The following ERC2 variants were observed in gnomAD, a reference collection of about 807,000 sequenced individuals.
The protein encoded by ERC2 is ERC protein 2.
Under a neutral mutation model 114.8 loss-of-function variants are expected in ERC2, and 42 were observed. The observed-to-expected ratio is 0.37, with a 90% CI of 0.29 to 0.47. ERC2 has a LOEUF of 0.47. ERC2 is among the 20% of genes least tolerant of loss of function. ERC2 has a pLI of 0.99. For synonymous variants in ERC2, 454 were observed against 425.5 expected (o/e 1.07, Z -0.82); for missense variants, 939 against 1,150.7 (o/e 0.82, Z 2.66).
intron 1 of ERC2, among the ~76,000 whole-genome samples, chr3:56,440,119 G>A (rs2062218980): frequency 6.6e-6 from 1 of 152,090 alleles, no homozygotes. Flanking sequence ...AGAAAATTTA[G>A]AAAATACAAA....
intron 6 of ERC2, among the ~76,000 whole-genome samples, chr3:56,093,759 A>C (rs17235263): frequency 0.13 from 20,119 of 152,236 alleles, 1,433 homozygotes; most frequent in East Asian, 0.15. Flanking sequence ...TAATTAAGTA[A>C]AGTAGTAATT....
chr3:56,122,444 T>G (rs1276171030), intron 6 of ERC2, among the ~76,000 whole-genome samples: 2 of 152,178 alleles, frequency 1.3e-5, no homozygotes, highest in Non-Finnish European at 2.9e-5. Flanking sequence ...GGTTTAAAAT[T>G]TTTTGTTTTA....
In ERC2 at chr3:56,400,986, T is replaced by C. The variant is rs186037375; in HGVS notation, c.657+33365A>G. On this transcript the variant is annotated intron_variant, in intron 2 of 17. Coordinates refer to ENST00000288221, the MANE Select transcript of ERC2 (RefSeq NM_015576.3). ...AAGCTACTTTATTCTTGTAACACCC[T>C]CTCTGGTTTGTTTTTTCCCACTAGC... 3.3e-5 allele frequency among the ~76,000 whole-genome samples: 5 copies of C among 152,314 alleles called. No individual in the cohort carries two copies. In the East Asian group the frequency reaches 9.6e-4, roughly 29 times the overall value.
At chr3:55,515,352 C>G (rs1029502495) in intron 17 of ERC2, among the ~76,000 whole-genome samples, 1 of 151,476 alleles carries the variant, frequency 6.6e-6, no homozygotes, top group African/African-American at 2.4e-5. Flanking sequence ...TAAACTTTTC[C>G]CCTGTATTTA....
intron 11 of ERC2, among the ~76,000 whole-genome samples, chr3:55,987,082 T>C (rs4974158): frequency 0.94 from 143,314 of 152,288 alleles, 67,680 homozygotes; most frequent in East Asian, 1. Context: ...ACAGTGTTGA[T>C]TACAATGATA....
chr3:56,316,285 T>C (rs983545554), intron 2 of ERC2, among the ~76,000 whole-genome samples: 5 of 152,216 alleles, frequency 3.3e-5, no homozygotes, highest in Admixed American at 3.3e-4. Flanking sequence ...GTGGAAAGAA[T>C]TGCAGGCTTT....
intron 17 of ERC2, among the ~76,000 whole-genome samples, chr3:55,587,907 T>A (rs1383807094): frequency 6.6e-6 from 1 of 152,072 alleles, no homozygotes; most frequent in Non-Finnish European, 1.5e-5. Context: ...TTACACAGGG[T>A]CAACCTGACA....
At chr3:56,323,207 G>A (rs2150428202) in intron 2 of ERC2, among the ~76,000 whole-genome samples, 1 of 152,238 alleles carries the variant, frequency 6.6e-6, no homozygotes, top group African/African-American at 2.4e-5. Flanking sequence ...AACACTAAAA[G>A]GAGTAAGAAA....
intron 14 of ERC2, among the ~76,000 whole-genome samples, chr3:55,783,232 T>C (rs964099268): frequency 2.0e-5 from 3 of 152,210 alleles, no homozygotes; most frequent in African/African-American, 7.2e-5. Flanking sequence ...CTAAGGTGCA[T>C]GGGCTCGGCA....
At position 56,041,355 on chromosome 3, in the gene ERC2, C is replaced by T. The variant is rs759456587; in HGVS notation, c.1642-22324G>A. On this transcript the variant is annotated intron_variant, in intron 7 of 17. Coordinates refer to ENST00000288221, the MANE Select transcript of ERC2 (RefSeq NM_015576.3). ...GCTAGGGGCAGAGAGGCTCTACCAG[C>T]AGTTTGGGGCTGGTGATAGATTGAG... Among the ~76,000 whole-genome samples, 51 of 152,076 alleles carry T rather than the reference C, an allele frequency of 3.4e-4. 1 individual carries two copies. The highest frequency in any genetic ancestry group is 4.4e-5 in the Non-Finnish European group (3 of 68,030).
At chr3:55,943,901 G>C (rs75405598) in intron 13 of ERC2, among the ~76,000 whole-genome samples, 4,987 of 152,134 alleles carry the variant, frequency 0.033, 158 homozygotes, top group African/African-American at 0.081. Context: ...TCTCTCTCTA[G>C]AACTGAGCAT....
chr3:56,060,814 C>G (rs1182858461), intron 7 of ERC2, among the ~76,000 whole-genome samples: 1 of 152,200 alleles, frequency 6.6e-6, no homozygotes. Flanking sequence ...GGGTCTCCCC[C>G]TCTTCTGCCC....
At chr3:55,785,726 A>G (rs1426331746) in intron 14 of ERC2, among the ~76,000 whole-genome samples, 1 of 152,166 alleles carries the variant, frequency 6.6e-6, no homozygotes, top group Non-Finnish European at 1.5e-5. Context: ...GATTCTCTTG[A>G]CTAGATCTAT....
At chr3:56,255,536 C>G (rs1005829480) in intron 3 of ERC2, among the ~76,000 whole-genome samples, 4 of 152,162 alleles carry the variant, frequency 2.6e-5, no homozygotes, top group African/African-American at 9.7e-5. Context: ...CCCTGGGAGG[C>G]AAGCTCATTT....
chr3:56,308,010 T>C (rs1033194187), intron 2 of ERC2, among the ~76,000 whole-genome samples: 1 of 152,200 alleles, frequency 6.6e-6, no homozygotes, highest in African/African-American at 2.4e-5. Flanking sequence ...TGCTTAGCTA[T>C]AGCTAGATTG....
intron 12 of ERC2, 151 bp from the exon 13 acceptor site, chr3:55,950,711 A>G: frequency 2.2e-6 from 2 of 900,882 alleles, no homozygotes; most frequent in Non-Finnish European, 3.4e-6. Context: ...TTCAACTACA[A>G]ATATGTATTG....
At chr3:55,880,727 A>T (rs1010399798) in intron 14 of ERC2, among the ~76,000 whole-genome samples, 3 of 152,120 alleles carry the variant, frequency 2.0e-5, no homozygotes, top group Non-Finnish European at 2.9e-5. Flanking sequence ...TAATATTTTT[A>T]AAATTGGACA....
intron 14 of ERC2, among the ~76,000 whole-genome samples, chr3:55,767,498 G>A (rs370818577): frequency 2.0e-5 from 3 of 152,116 alleles, no homozygotes; most frequent in East Asian, 3.9e-4. Context: ...AGCTCCACTC[G>A]GAGTTACTCC....
chr3:55,740,343 A>G (rs2065901621), intron 14 of ERC2, among the ~76,000 whole-genome samples: 1 of 151,992 alleles, frequency 6.6e-6, no homozygotes, highest in Non-Finnish European at 1.5e-5. Context: ...TCCTTATTGT[A>G]TTTTTGTTTT....
Sources: gnomAD v4.1 joint callset for allele counts (sites outside exome capture counted in the v4.1 genomes callset) on GRCh38, gnomAD v4.1.1 for gene constraint, MANE v1.5 for transcripts, NCBI Gene and HGNC (gene_info 2026-07-23, HGNC 2026-07-21) for gene names.